Variants in EPB41L2 observed in about 807,000 individuals in gnomAD.
EPB41L2 encodes the protein band 4.1-like protein 2.
In EPB41L2, 43 loss-of-function variants were observed where a neutral mutation model predicts 113.0. The observed-to-expected ratio is 0.38, with a 90% CI of 0.30 to 0.49. The LOEUF is 0.49. EPB41L2 is among the 20% of genes least tolerant of loss of function. EPB41L2 has a pLI of 0.95. For synonymous variants in EPB41L2, 442 were observed against 436.7 expected (o/e 1.01, Z -0.15); for missense variants, 1,147 against 1,223.4 (o/e 0.94, Z 0.93).
chr6:131,010,505 T>A (rs1273859817), intron 1 of EPB41L2, among the ~76,000 whole-genome samples: 1 of 151,724 alleles, frequency 6.6e-6, no homozygotes, highest in East Asian at 1.9e-4. Context: ...CTCTGCCTCC[T>A]GGGTTCAGGT....
intron 1 of EPB41L2, among the ~76,000 whole-genome samples, chr6:130,977,674 T>G (rs1307286762): frequency 6.6e-6 from 1 of 152,176 alleles, no homozygotes; most frequent in African/African-American, 2.4e-5. Flanking sequence ...AAAGGGCAAT[T>G]GTCAAGAAAT....
chr6:131,018,185 C>T (rs916962978), intron 1 of EPB41L2, among the ~76,000 whole-genome samples: 1 of 152,066 alleles, frequency 6.6e-6, no homozygotes, highest in Admixed American at 6.6e-5. Context: ...CTCCTTTTGC[C>T]CTCCTGCTCT....
At chr6:131,048,142 A>AC (rs1229585608) in intron 1 of EPB41L2, among the ~76,000 whole-genome samples, 15 of 102,646 alleles carry the variant, frequency 1.5e-4, no homozygotes, top group African/African-American at 3.9e-4. Context: ...CTGTCTCAAA[A>AC]AAAAAAAAAA....
intron 1 of EPB41L2, among the ~76,000 whole-genome samples, chr6:130,961,130 T>C (rs1190257931): frequency 6.6e-6 from 1 of 152,230 alleles, no homozygotes; most frequent in African/African-American, 2.4e-5. Context: ...GCAATGCTCA[T>C]TGACTAATAT....
At chr6:130,911,526 T>TA (rs899435832) in intron 4 of EPB41L2, among the ~76,000 whole-genome samples, 23 of 148,712 alleles carry the variant, frequency 1.5e-4, no homozygotes, top group East Asian at 3.9e-4. Context: ...ACAATAATAA[T>TA]AAAAAAAAAG....
At chr6:130,900,899 T>C in intron 7 of EPB41L2, 63 bp downstream of exon 7, 2 of 1,553,040 alleles carry the variant, frequency 1.3e-6, no homozygotes, top group East Asian at 2.2e-5. Flanking sequence ...GTCTAGTAAG[T>C]GCTACAAGAG....
chr6:131,026,825 G>A (rs950609423), intron 1 of EPB41L2, among the ~76,000 whole-genome samples: 17 of 151,992 alleles, frequency 1.1e-4, no homozygotes, highest in East Asian at 1.9e-4. Context: ...AGCCCTCTAC[G>A]GTATGTGCAA....
At chr6:131,018,757 A>G (rs1376622084) in intron 1 of EPB41L2, among the ~76,000 whole-genome samples, 2 of 152,052 alleles carry the variant, frequency 1.3e-5, no homozygotes, top group East Asian at 3.9e-4. Context: ...ATATAGACCA[A>G]TCAGTGGATG....
chr6:130,966,251 A>G (rs1237232743), intron 1 of EPB41L2, among the ~76,000 whole-genome samples: 1 of 152,214 alleles, frequency 6.6e-6, no homozygotes, highest in Admixed American at 6.5e-5. Context: ...ATGTCCATCA[A>G]CAGGGGGTCT....
intron 1 of EPB41L2, among the ~76,000 whole-genome samples, chr6:131,046,078 A>AT (rs36055181): frequency 1.8e-3 from 217 of 123,964 alleles, no homozygotes; most frequent in East Asian, 5.7e-3. Flanking sequence ...TCCGAAGCTA[A>AT]TTTTTTTTTT....
In EPB41L2 at chr6:130,869,636, T is replaced by C. The variant is rs1451273055; in HGVS notation, c.2534A>G (p.Glu845Gly). ...CACCTCTCCGTTAACTTTCTGTGGC[T>C]CTTCCTCTGCTTCTTCTCCCATGTC... Reference protein sequence around the residue: ...KQDMGEEAEEEPQKVNGEVSH... With the variant: ...KQDMGEEAEEGPQKVNGEVSH... The change falls in exon 15 of 20, where the codon GAG (glutamate) becomes GGG (glycine). Residue 845 changes from glutamate to glycine, a missense_variant. Coordinates refer to ENST00000337057, the MANE Select transcript of EPB41L2 (RefSeq NM_001431.4). 1 of 1,614,222 alleles carries C rather than the reference T, an allele frequency of 6.2e-7. No individual in the cohort carries two copies. Among genetic ancestry groups the C allele is most frequent in the South Asian group, 1.1e-5 (1 of 91,074 alleles).
At chr6:130,860,601 C>T (rs1263833226) in intron 18 of EPB41L2, among the ~76,000 whole-genome samples, 2 of 152,154 alleles carry the variant, frequency 1.3e-5, no homozygotes, top group Admixed American at 6.5e-5. Flanking sequence ...GGCGCGATCT[C>T]GGCTCACTGC....
chr6:130,880,249 C>T (rs760025847), intron 12 of EPB41L2, 43 bp from the exon 13 acceptor site: 4 of 1,409,272 alleles, frequency 2.8e-6, no homozygotes, highest in Non-Finnish European at 4.0e-6. Flanking sequence ...GGCAAATAAA[C>T]ATAAGTGTAT....
At chr6:130,913,237 A>G (rs1426570366) in intron 4 of EPB41L2, among the ~76,000 whole-genome samples, 3 of 152,240 alleles carry the variant, frequency 2.0e-5, no homozygotes, top group African/African-American at 7.2e-5. Context: ...ACTTGGTGTC[A>G]TTCTCAGGCC....
intron 3 of EPB41L2, among the ~76,000 whole-genome samples, chr6:130,950,476 G>A (rs755374982): frequency 4.6e-5 from 7 of 151,990 alleles, no homozygotes; most frequent in African/African-American, 7.2e-5. Context: ...ATTAATTGCT[G>A]TAACTAACTC....
intron 14 of EPB41L2, among the ~76,000 whole-genome samples, chr6:130,872,131 T>TTAGGCAGCCC (rs1425269636): frequency 9.8e-5 from 15 of 152,290 alleles, no homozygotes; most frequent in African/African-American, 3.1e-4. Context: ...CTTAATGATT[T>TTAGGCAGCCC]AAATTATTCT....
chr6:131,050,067 G>C (rs72987891), intron 1 of EPB41L2, among the ~76,000 whole-genome samples: 1 of 152,102 alleles, frequency 6.6e-6, no homozygotes, highest in Admixed American at 6.5e-5. Flanking sequence ...GACCGGGTGC[G>C]GTGGCTCACA....
At chr6:130,928,665 G>C (rs972404512) in intron 3 of EPB41L2, among the ~76,000 whole-genome samples, 21 of 152,184 alleles carry the variant, frequency 1.4e-4, no homozygotes, top group Non-Finnish European at 2.9e-4. Context: ...AAGATTAAGA[G>C]GAAAAAACAT....
chr6:130,924,485 T>C (rs1439425391), intron 4 of EPB41L2, among the ~76,000 whole-genome samples: 2 of 152,076 alleles, frequency 1.3e-5, no homozygotes, highest in African/African-American at 4.8e-5. Context: ...TTCAAACGAT[T>C]CTCCTGCCTC....
Sources: allele counts gnomAD v4.1 joint callset (sites outside exome capture counted in the v4.1 genomes callset), GRCh38; gene constraint gnomAD v4.1.1; transcripts MANE v1.5; gene names NCBI Gene and HGNC (gene_info 2026-07-23, HGNC 2026-07-21).